Variants in NDC80 observed in about 807,000 individuals in gnomAD.
The protein encoded by NDC80 is kinetochore protein NDC80 homolog.
A neutral mutation model predicts 89.3 loss-of-function variants in NDC80; 69 were observed. The ratio of observed to expected loss-of-function variants is 0.77; its 90% CI spans 0.64 to 0.94. NDC80 has a LOEUF of 0.94. Ranked by LOEUF, NDC80 falls within the 40% of genes least tolerant of loss-of-function variation. The pLI is 0.00. For synonymous variants in NDC80, 243 were observed against 255.6 expected (o/e 0.95, Z 0.47); for missense variants, 593 against 739.6 (o/e 0.80, Z 2.30).
intron 9 of NDC80, 31 bp from the exon 10 acceptor site, chr18:2,589,987 A>AT (rs1487330836): frequency 5.6e-6 from 8 of 1,418,678 alleles, no homozygotes; most frequent in Non-Finnish European, 7.5e-6. Context: ...GTTATTAAGA[A>AT]TAACTAAAGT....
chr18:2,574,636 GT>G (rs1326259013), intron 2 of NDC80, among the ~76,000 whole-genome samples: 1 of 151,230 alleles, frequency 6.6e-6, no homozygotes, highest in Non-Finnish European at 1.5e-5. Flanking sequence ...TTTTAACCTT[GT>G]TTTTACTCTT....
chr18:2,592,107 C>T (rs540980982), intron 10 of NDC80, among the ~76,000 whole-genome samples: 1 of 152,254 alleles, frequency 6.6e-6, no homozygotes, highest in Non-Finnish European at 1.5e-5. Flanking sequence ...AGCATATGAT[C>T]AAGAGAATTG....
chr18:2,587,705 G>T (rs1480088646), intron 7 of NDC80, 125 bp from the exon 8 acceptor site: 3 of 667,736 alleles, frequency 4.5e-6, no homozygotes, highest in Non-Finnish European at 7.8e-6. Flanking sequence ...TTATTTATAG[G>T]TTCATCTGAC....
chr18:2,596,847 T>TA, intron 11 of NDC80, among the ~76,000 whole-genome samples: 1 of 151,110 alleles, frequency 6.6e-6, no homozygotes, highest in Middle Eastern at 3.2e-3. Flanking sequence ...TATGCAGCCG[T>TA]AAAAAATGAT....
chr18:2,577,927 T>C (rs1200052391), intron 4 of NDC80, 42 bp from the exon 5 acceptor site: 4 of 1,609,278 alleles, frequency 2.5e-6, no homozygotes, highest in Non-Finnish European at 3.4e-6. Context: ...TCCAATAATT[T>C]TCCATTACAA....
rs769068530 is a variant in NDC80, at chr18:2,573,064, C to A, written c.79C>A (p.Gln27Lys). The A allele has an allele frequency of 6.2e-7, 1 of 1,614,024 alleles. No individual in the cohort carries two copies. Among genetic ancestry groups the A allele is most frequent in the Non-Finnish European group, 8.5e-7 (1 of 1,179,946 alleles). ...QELRSQDVNK[Q>K]GLYTPQTKEK... ...GTTAAGATCCCAGGATGTAAATAAA[C>A]AAGGCCTCTATACCCCTCAAACGTG... Residue 27 changes from glutamine (Q) to lysine (K), a missense_variant, in exon 2 of 17, where the codon CAA becomes AAA. Transcript: ENST00000261597.
chr18:2,580,549 A>C (rs1446780410), intron 6 of NDC80, among the ~76,000 whole-genome samples: 1 of 152,040 alleles, frequency 6.6e-6, no homozygotes, highest in Non-Finnish European at 1.5e-5. Context: ...ATTTTGACCC[A>C]GGAGCCATGC....
chr18:2,608,369 C>G (rs1459542390), intron 14 of NDC80, among the ~76,000 whole-genome samples: 1 of 151,882 alleles, frequency 6.6e-6, no homozygotes, highest in Admixed American at 6.6e-5. Context: ...CCATGCCCAA[C>G]TAATTTTTGT....
In NDC80 at chr18:2,579,014, A is replaced by G. The variant is rs1200183928; in HGVS notation, c.564A>G (p.Leu188=). Residue 188 remains leucine, a synonymous_variant, in exon 6 of 17, where the codon CTA becomes CTG. Coordinates refer to ENST00000261597, the MANE Select transcript of NDC80 (RefSeq NM_006101.3). ...ACATTGTGGCAGCCTTAGTTTGGCT[A>G]ATAGACTGCATCAAGGTATTTGATT... ...WPHIVAALVW[L]IDCIKIHTAM... is the part of the protein sequence containing the mutation. 6.4e-7 allele frequency: 1 copy of G among 1,560,578 alleles called. No homozygotes were observed. Among genetic ancestry groups the G allele is most frequent in the Non-Finnish European group, 8.7e-7 (1 of 1,152,782 alleles).
rs60997707 is a variant in NDC80, at chr18:2,603,356, C to CATATATATATATATATATATATATATAT, written c.1464+1894_1464+1895insTATATATATATATATATATATATATATA. Among the ~76,000 whole-genome samples, 591 of 120,486 alleles carry CATATATATATATATATATATATATATAT rather than the reference C, an allele frequency of 4.9e-3. 11 individuals carry two copies. Among genetic ancestry groups the CATATATATATATATATATATATATATAT allele is most frequent in the African/African-American group, 6.5e-3 (198 of 30,588 alleles). 79.0% of individuals were successfully genotyped at this position (120,486 alleles called of 152,430 possible). A position where few individuals can be genotyped will look rare whatever the true frequency, so the allele number is the denominator to read the frequency against. ...AACAACAGAAGAGAATATGTTTATACATATATATATATATATATATATACA... is the reference window on the plus strand; with the variant it reads ...AACAACAGAAGAGAATATGTTTATACATATATATATATATATATATATATATATATATATATATATATATATATATACA... On this transcript the variant is annotated intron_variant, in intron 13 of 16. Coordinates refer to ENST00000261597, the MANE Select transcript of NDC80 (RefSeq NM_006101.3).
intron 12 of NDC80, among the ~76,000 whole-genome samples, chr18:2,600,758 A>T (rs1276104575): frequency 6.6e-6 from 1 of 152,258 alleles, no homozygotes; most frequent in African/African-American, 2.4e-5. Context: ...ATGTTTTGGA[A>T]CTGGAGGTGA....
chr18:2,596,731 G>A (rs2072658565), intron 11 of NDC80, among the ~76,000 whole-genome samples: 1 of 152,118 alleles, frequency 6.6e-6, no homozygotes, highest in Non-Finnish European at 1.5e-5. Context: ...GCACACATAT[G>A]TTTATTGCGG....
chr18:2,616,335 T>G, intron 16 of NDC80, 102 bp from the exon 17 acceptor site: 2 of 859,566 alleles, frequency 2.3e-6, no homozygotes, highest in Non-Finnish European at 3.3e-6. Context: ...CTTTTTATTC[T>G]TAACTTAAAA....
intron 16 of NDC80, among the ~76,000 whole-genome samples, chr18:2,611,387 TA>T (rs1411914990): frequency 6.6e-6 from 1 of 152,208 alleles, no homozygotes; most frequent in African/African-American, 2.4e-5. Context: ...TGTATTTGCA[TA>T]AACAACATAT....
intron 13 of NDC80, among the ~76,000 whole-genome samples, chr18:2,602,606 C>T (rs2072689287): frequency 6.6e-6 from 1 of 152,132 alleles, no homozygotes; most frequent in Non-Finnish European, 1.5e-5. Context: ...TTCCAAACAA[C>T]AGGAACTTCA....
intron 9 of NDC80, among the ~76,000 whole-genome samples, chr18:2,589,598 T>G (rs2072617502): frequency 6.6e-6 from 1 of 152,222 alleles, no homozygotes; most frequent in South Asian, 2.1e-4. Context: ...CCCTGTGTTA[T>G]ATACCTCTAG....
chr18:2,574,046 A>C (rs1329461087), intron 2 of NDC80, among the ~76,000 whole-genome samples: 1 of 152,186 alleles, frequency 6.6e-6, no homozygotes, highest in African/African-American at 2.4e-5. Context: ...AACAAGCCTT[A>C]CCTTTGACCA....
At chr18:2,598,503 A>G (rs1025009750) in intron 11 of NDC80, among the ~76,000 whole-genome samples, 3 of 152,224 alleles carry the variant, frequency 2.0e-5, no homozygotes, top group African/African-American at 7.2e-5. Flanking sequence ...TGATGACCTT[A>G]TTTGAACAGA....
chr18:2,611,310 A>G (rs546590424), intron 16 of NDC80, among the ~76,000 whole-genome samples: 16 of 152,298 alleles, frequency 1.1e-4, no homozygotes, highest in African/African-American at 3.4e-4. Context: ...CGGCCTCCCA[A>G]AGTGCTGGGA....
Sources: gnomAD v4.1 joint callset for allele counts (sites outside exome capture counted in the v4.1 genomes callset) on GRCh38, gnomAD v4.1.1 for gene constraint, MANE v1.5 for transcripts, NCBI Gene and HGNC (gene_info 2026-07-23, HGNC 2026-07-21) for gene names.